SH3RF1: variants seen among roughly 807,000 people sequenced by gnomAD.
SH3RF1 encodes SH3 domain containing ring finger 1, also known as E3 ubiquitin-protein ligase SH3RF1.
Under a neutral mutation model 74.0 loss-of-function variants are expected in SH3RF1, and 32 were observed. That is an observed-to-expected ratio of 0.43 (90% CI 0.33 to 0.58). The LOEUF is 0.58. SH3RF1 is among the 20% of genes least tolerant of loss of function. SH3RF1 has a pLI of 0.05. For missense variants in SH3RF1, 954 were observed against 1,130.9 expected (o/e 0.84, Z 2.24); for synonymous variants, 396 against 439.6 (o/e 0.90, Z 1.24).
At position 169,171,676 on chromosome 4, in the gene SH3RF1, G is replaced by A. The variant is rs181949864; in HGVS notation, c.394-14997C>T. On this transcript the variant is annotated intron_variant, in intron 2 of 11. Transcript: ENST00000284637. ...TTATTTTTGAACACCCCAAATCTCA[G>A]AAACTTTATTACCTGTGCCTTTCAA... Among the ~76,000 whole-genome samples, 29 of 152,250 alleles carry A rather than the reference G, an allele frequency of 1.9e-4. 1 individual carries two copies. Among genetic ancestry groups the A allele is most frequent in the Admixed American group, 1.8e-3 (28 of 15,290 alleles).
intron 6 of SH3RF1, among the ~76,000 whole-genome samples, chr4:169,125,916 G>A (rs1180410967): frequency 1.3e-5 from 2 of 152,138 alleles, no homozygotes; most frequent in African/African-American, 4.8e-5. Flanking sequence ...CCATCTACAT[G>A]CATAAATTAT....
At chr4:169,105,945 G>A (rs1450392689) in intron 11 of SH3RF1, among the ~76,000 whole-genome samples, 3 of 152,022 alleles carry the variant, frequency 2.0e-5, no homozygotes, top group Admixed American at 6.6e-5. Context: ...TGTCCAACCC[G>A]TGGGCATGCA....
intron 4 of SH3RF1, among the ~76,000 whole-genome samples, chr4:169,137,541 C>T (rs1187548948): frequency 3.9e-5 from 6 of 152,120 alleles, no homozygotes; most frequent in African/African-American, 1.4e-4. Flanking sequence ...AAATAATAAA[C>T]TTTTAAAAGG....
intron 2 of SH3RF1, among the ~76,000 whole-genome samples, chr4:169,255,960 G>T (rs1731186976): frequency 6.6e-6 from 1 of 151,756 alleles, no homozygotes. Flanking sequence ...TAAAGATGAG[G>T]TTTTGCTATG....
intron 4 of SH3RF1, 83 bp from the exon 5 acceptor site, chr4:169,136,703 A>C: frequency 2.9e-6 from 4 of 1,402,898 alleles, no homozygotes; most frequent in Non-Finnish European, 3.8e-6. Context: ...ACATGATTTC[A>C]TCCAAAATTT....
chr4:169,189,195 C>A (rs1734659167), intron 2 of SH3RF1, among the ~76,000 whole-genome samples: 1 of 152,208 alleles, frequency 6.6e-6, no homozygotes, highest in Non-Finnish European at 1.5e-5. Flanking sequence ...TGAATATTTA[C>A]CACAATAAGC....
intron 2 of SH3RF1, among the ~76,000 whole-genome samples, chr4:169,232,750 T>C (rs1159400833): frequency 2.0e-5 from 3 of 152,152 alleles, no homozygotes; most frequent in South Asian, 2.1e-4. Context: ...ACTTTAATCC[T>C]GAAAAATGGC....
chr4:169,168,973 C>T lies in SH3RF1; in HGVS notation c.394-12294G>A, dbSNP rs115991914. On this transcript the variant is annotated intron_variant, in intron 2 of 11. Transcript: ENST00000284637. ...TACAGAAATCAAATCAAGCCAGCTT[C>T]AATACTCCAAAGTCTGTCATGACCT... Among the ~76,000 whole-genome samples, 656 of 152,288 alleles carry T rather than the reference C, an allele frequency of 4.3e-3. 6 individuals carry two copies. The highest frequency in any genetic ancestry group is 0.015 in the African/African-American group (629 of 41,564).
intron 2 of SH3RF1, among the ~76,000 whole-genome samples, chr4:169,189,444 G>A (rs1734661841): frequency 6.6e-6 from 1 of 152,200 alleles, no homozygotes; most frequent in Non-Finnish European, 1.5e-5. Flanking sequence ...AGCTCTGGAG[G>A]TGAAAAGCCA....
chr4:169,120,181 C>T (rs1382279494), intron 8 of SH3RF1, among the ~76,000 whole-genome samples: 1 of 152,132 alleles, frequency 6.6e-6, no homozygotes, highest in Non-Finnish European at 1.5e-5. Flanking sequence ...TCAAATGTTC[C>T]CTGGGGAGCA....
chr4:169,235,473 A>T (rs186046818), intron 2 of SH3RF1, among the ~76,000 whole-genome samples: 1 of 152,292 alleles, frequency 6.6e-6, no homozygotes, highest in Non-Finnish European at 1.5e-5. Flanking sequence ...TTTCCATTTA[A>T]ATATGAGCCA....
chr4:169,102,660 T>C (rs1017245759), intron 11 of SH3RF1, among the ~76,000 whole-genome samples: 1 of 152,142 alleles, frequency 6.6e-6, no homozygotes, highest in African/African-American at 2.4e-5. Context: ...GCCTAATATA[T>C]TTGTTCTATT....
intron 10 of SH3RF1, among the ~76,000 whole-genome samples, chr4:169,111,875 A>C (rs966302062): frequency 2.6e-5 from 4 of 152,258 alleles, no homozygotes; most frequent in African/African-American, 9.6e-5. Flanking sequence ...CACCAAAGTT[A>C]GCTAGAGATT....
intron 4 of SH3RF1, among the ~76,000 whole-genome samples, chr4:169,147,184 TTC>T (rs1733906777): frequency 6.6e-6 from 1 of 152,228 alleles, no homozygotes; most frequent in Non-Finnish European, 1.5e-5. Context: ...TACATATTTG[TTC>T]ACTGAATGCA....
chr4:169,107,143 C>T lies in SH3RF1; in HGVS notation c.2202G>A (p.Val734=). Residue 734 remains valine (V), a synonymous_variant, in exon 11 of 12, where the codon GTG becomes GTA. Coordinates refer to ENST00000284637, the MANE Select transcript of SH3RF1 (RefSeq NM_020870.4). The part of the protein sequence containing the change: ...SGASTKRKPR[V]SPPASPTLEV... Reference sequence around the variant, plus strand: ...CTAGGGTGGGCGATGCTGGAGGAGACACGCGGGGCTTCCGTTTAGTGGAGG... The same window carrying T: ...CTAGGGTGGGCGATGCTGGAGGAGATACGCGGGGCTTCCGTTTAGTGGAGG... 1.3e-6 allele frequency: 2 copies of T among 1,598,834 alleles called. No individual in the cohort carries two copies. The highest frequency in any genetic ancestry group is 8.5e-7 in the Non-Finnish European group (1 of 1,172,504).
chr4:169,112,949 G>C (rs542876286), intron 10 of SH3RF1, among the ~76,000 whole-genome samples: 1 of 152,256 alleles, frequency 6.6e-6, no homozygotes, highest in East Asian at 1.9e-4. Flanking sequence ...GTGAAGAGTT[G>C]GGATTTAGAG....
intron 2 of SH3RF1, among the ~76,000 whole-genome samples, chr4:169,210,665 CTGTGACCTGACTGGA>C (rs1162119159): frequency 6.6e-6 from 1 of 152,244 alleles, no homozygotes; most frequent in African/African-American, 2.4e-5. Flanking sequence ...GCATAGTCGA[CTGTGACCTGACTGGA>C]TGTGTAAAAA....
Position 169,096,431 on chromosome 4 carries a change from G to C in SH3RF1, c.*88C>G, listed in dbSNP as rs1319692054. 1 of 1,409,800 alleles carries C rather than the reference G, an allele frequency of 7.1e-7. No individual in the cohort carries two copies. Among genetic ancestry groups the C allele is most frequent in the African/African-American group, 1.5e-5 (1 of 67,044 alleles). The allele number at this position is 1,409,800 out of a possible 1,614,324, so 87.3% of individuals were successfully genotyped here. ...CCTTTGCTCATCTCCTGACCATCTG[G>C]AAGTCCACAAATGTGCTCTTTCTGT... On this transcript the variant is annotated 3_prime_UTR_variant, in exon 12 of 12. Coordinates refer to ENST00000284637, the MANE Select transcript of SH3RF1 (RefSeq NM_020870.4).
chr4:169,189,741 AT>A (rs965288540), intron 2 of SH3RF1, among the ~76,000 whole-genome samples: 4 of 152,172 alleles, frequency 2.6e-5, no homozygotes, highest in Non-Finnish European at 5.9e-5. Context: ...AGTTGCTCGA[AT>A]CCCCAAAGTT....
Sources: gnomAD v4.1 joint callset for allele counts (sites outside exome capture counted in the v4.1 genomes callset) on GRCh38, gnomAD v4.1.1 for gene constraint, MANE v1.5 for transcripts, NCBI Gene and HGNC (gene_info 2026-07-23, HGNC 2026-07-21) for gene names.